The following RNF6 variants were observed in gnomAD, a reference collection of about 807,000 sequenced individuals.
The protein encoded by RNF6 is E3 ubiquitin-protein ligase RNF6.
Under a neutral mutation model 50.1 loss-of-function variants are expected in RNF6, and 21 were observed. That is an observed-to-expected ratio of 0.42 (90% CI 0.30 to 0.60). The LOEUF is 0.60. RNF6 is among the 20% of genes least tolerant of loss of function. RNF6 has a pLI of 0.20. For synonymous variants in RNF6, 255 were observed against 291.8 expected (o/e 0.87, Z 1.29); for missense variants, 698 against 838.2 (o/e 0.83, Z 2.07).
chr13:26,140,246 A>G (rs7982890), intron 5 of RNF6, among the ~76,000 whole-genome samples: 4,553 of 152,282 alleles, frequency 0.03, 233 homozygotes, highest in African/African-American at 0.1. Flanking sequence ...AACTTCAGCC[A>G]AAATTAATTG....
chr13:26,164,925 G>C (rs1415877986), intron 5 of RNF6, among the ~76,000 whole-genome samples: 2 of 152,196 alleles, frequency 1.3e-5, no homozygotes, highest in Non-Finnish European at 2.9e-5. Flanking sequence ...TTTCGGAGGA[G>C]AAATTCAAGC....
chr13:26,159,128 T>C (rs1037291508), intron 5 of RNF6, among the ~76,000 whole-genome samples: 1 of 152,164 alleles, frequency 6.6e-6, no homozygotes, highest in African/African-American at 2.4e-5. Flanking sequence ...CTTTCAAATG[T>C]GTAAATATGA....
chr13:26,206,088 C>G (rs1323249346), intron 5 of RNF6, among the ~76,000 whole-genome samples: 1 of 152,202 alleles, frequency 6.6e-6, no homozygotes, highest in South Asian at 2.1e-4. Context: ...TTAACCTGCT[C>G]TACCATGCTT....
intron 5 of RNF6, among the ~76,000 whole-genome samples, chr13:26,200,046 G>C (rs1006547881): frequency 3.9e-5 from 6 of 152,140 alleles, no homozygotes; most frequent in African/African-American, 1.4e-4. Context: ...CTATGAACCA[G>C]AAAGTAAGCC....
At chr13:26,195,366 G>A (rs770617495) in intron 5 of RNF6, among the ~76,000 whole-genome samples, 52 of 150,764 alleles carry the variant, frequency 3.4e-4, no homozygotes, top group Admixed American at 5.9e-4. Context: ...AGAGGACAAA[G>A]ACAAAAAAAA....
At position 26,221,995 on chromosome 13, in the gene RNF6, G is replaced by C. The variant is rs910305378; in HGVS notation, c.-102+8C>G. 1 of 152,288 alleles carries C rather than the reference G, an allele frequency of 6.6e-6. No homozygotes were observed. 9.4% of individuals were successfully genotyped at this position (152,288 alleles called of 1,614,324 possible). A position where few individuals can be genotyped will look rare whatever the true frequency, so the allele number is the denominator to read the frequency against. ...GTGGTGGGACCCAGATCTTTCCCTCGAGCCCACCTCTCCAGGTCTTGGGCC... is the reference window on the plus strand; with the variant it reads ...GTGGTGGGACCCAGATCTTTCCCTCCAGCCCACCTCTCCAGGTCTTGGGCC... On this transcript the variant is annotated splice_region_variant and intron_variant, in intron 1 of 4. Coordinates refer to ENST00000381588, the MANE Select transcript of RNF6 (RefSeq NM_005977.4).
At chr13:26,143,777 T>C (rs1871084829) in intron 5 of RNF6, among the ~76,000 whole-genome samples, 1 of 152,046 alleles carries the variant, frequency 6.6e-6, no homozygotes, top group South Asian at 2.1e-4. Context: ...TCCTTCAGGG[T>C]GGTGGTGAAC....
chr13:26,151,927 T>A (rs1322198773), intron 5 of RNF6, among the ~76,000 whole-genome samples: 1 of 152,202 alleles, frequency 6.6e-6, no homozygotes, highest in Non-Finnish European at 1.5e-5. Flanking sequence ...GACCCCTTCC[T>A]GTCTTTTCCT....
chr13:26,145,258 C>T (rs766424644), intron 5 of RNF6, among the ~76,000 whole-genome samples: 18 of 152,244 alleles, frequency 1.2e-4, no homozygotes, highest in Non-Finnish European at 2.1e-4. Flanking sequence ...TATGATAAGC[C>T]GCTGTTATTC....
At chr13:26,142,058 C>T (rs1022075319) in intron 5 of RNF6, among the ~76,000 whole-genome samples, 6 of 152,024 alleles carry the variant, frequency 3.9e-5, no homozygotes, top group African/African-American at 1.2e-4. Flanking sequence ...CCCATTAAAA[C>T]GTGGGCTAAG....
chr13:26,132,599 A>T (rs2137536783), intron 5 of RNF6: 1 of 282,840 alleles, frequency 3.5e-6, no homozygotes, highest in South Asian at 3.5e-5. Context: ...TGCACATCAC[A>T]CTTTAATATA....
At chr13:26,160,948 G>A (rs938526012) in intron 5 of RNF6, among the ~76,000 whole-genome samples, 1 of 151,980 alleles carries the variant, frequency 6.6e-6, no homozygotes, top group Non-Finnish European at 1.5e-5. Flanking sequence ...GACTTTAATG[G>A]ACTCATTTTA....
intron 5 of RNF6, among the ~76,000 whole-genome samples, chr13:26,173,512 C>A (rs1414938495): frequency 1.3e-5 from 2 of 152,028 alleles, no homozygotes; most frequent in Non-Finnish European, 2.9e-5. Flanking sequence ...AAAAGCCCTA[C>A]AATTTCATAT....
Position 26,219,781 on chromosome 13 carries a change from C to T in RNF6, c.-18-114G>A, listed in dbSNP as rs1197408670. 4.6e-6 allele frequency: 4 copies of T among 871,114 alleles called. No individual in the cohort carries two copies. The African/African-American group carries it at 6.7e-5, about 15-fold the overall frequency. The allele number at this position is 871,114 out of a possible 1,614,324, so 54.0% of individuals were successfully genotyped here. ...TTAAATGTTGTCCCCTACCCAAATA[C>T]TGTATTTGCCAAATCTTGCAGTGAG... On this transcript the variant is annotated intron_variant, in intron 2 of 4. Coordinates refer to ENST00000381588, the MANE Select transcript of RNF6 (RefSeq NM_005977.4).
chr13:26,145,422 C>T (rs1208319013), intron 5 of RNF6, among the ~76,000 whole-genome samples: 1 of 127,984 alleles, frequency 7.8e-6, no homozygotes, highest in Non-Finnish European at 1.6e-5. Context: ...GGAGGAGGGG[C>T]CTAGTAGGAG....
At chr13:26,167,356 G>A (rs1319958515) in intron 5 of RNF6, among the ~76,000 whole-genome samples, 1 of 151,874 alleles carries the variant, frequency 6.6e-6, no homozygotes. Flanking sequence ...AAATTTACAA[G>A]AAAAAACAAA....
rs1276957556 is a variant in RNF6, at chr13:26,215,607, A to C, written c.290-15T>G. The C allele has an allele frequency of 3.2e-6, 5 of 1,576,904 alleles. No individual in the cohort carries two copies. Among genetic ancestry groups the C allele is most frequent in the Non-Finnish European group, 4.3e-6 (5 of 1,169,522 alleles). On this transcript the variant is annotated splice_polypyrimidine_tract_variant and intron_variant, in intron 4 of 4. Transcript: ENST00000381588. ...GACTTCTGAGTCTAGAAAGCAAAGCAAATCAACTTAAGATCAATTCCTAAG... is the reference window on the plus strand; with the variant it reads ...GACTTCTGAGTCTAGAAAGCAAAGCCAATCAACTTAAGATCAATTCCTAAG...
chr13:26,137,302 G>T (rs1234547870), intron 5 of RNF6, among the ~76,000 whole-genome samples: 2 of 151,702 alleles, frequency 1.3e-5, no homozygotes, highest in African/African-American at 4.9e-5. Flanking sequence ...ATTAACTAAA[G>T]AGCTTTTTTT....
intron 5 of RNF6, among the ~76,000 whole-genome samples, chr13:26,178,110 A>T (rs1404858100): frequency 1.3e-5 from 2 of 152,136 alleles, no homozygotes; most frequent in Non-Finnish European, 1.5e-5. Flanking sequence ...AATCGCTTGA[A>T]CCTGGGAGGC....
Sources: gnomAD v4.1 joint callset for allele counts (sites outside exome capture counted in the v4.1 genomes callset) on GRCh38, gnomAD v4.1.1 for gene constraint, MANE v1.5 for transcripts, NCBI Gene and HGNC (gene_info 2026-07-23, HGNC 2026-07-21) for gene names.